PFKFB2: variants seen among roughly 807,000 people sequenced by gnomAD.
PFKFB2 encodes the protein 6-phosphofructo-2-kinase/fructose-2,6-bisphosphatase 2.
A neutral mutation model predicts 68.0 loss-of-function variants in PFKFB2; 53 were observed. The observed-to-expected ratio is 0.78, with a 90% CI of 0.63 to 0.98. The LOEUF (loss-of-function observed/expected upper bound fraction) is 0.98, where lower values mean the gene tolerates loss of function less well. Among genes scored for constraint, PFKFB2 ranks in the 50% least tolerant of loss-of-function variants. The pLI, the probability that PFKFB2 is intolerant of heterozygous loss-of-function variation, is 0.00. For missense variants in PFKFB2, 451 were observed against 642.0 expected (o/e 0.70, Z 3.22); for synonymous variants, 222 against 227.6 (o/e 0.98, Z 0.22).
Position 207,065,170 on chromosome 1 carries a change from A to C in PFKFB2, c.632+10A>C, listed in dbSNP as rs1217454431. On this transcript the variant is annotated intron_variant, in intron 8 of 14. Coordinates refer to ENST00000367080, the MANE Select transcript of PFKFB2 (RefSeq NM_006212.2). ...CAGACAACTATGACAAGTAAGGTTT[A>C]AGGCCATGGTTTGAAGGGCCCAAGG... 6.2e-7 allele frequency: 1 copy of C among 1,613,466 alleles called. No homozygotes were observed. Among genetic ancestry groups the C allele is most frequent in the Non-Finnish European group, 8.5e-7 (1 of 1,179,702 alleles).
chr1:207,049,501 A>T (rs1369051532), upstream of PFKFB2: 1 of 1,614,122 alleles, frequency 6.2e-7, no homozygotes, highest in Non-Finnish European at 8.5e-7. Flanking sequence ...GCTTGCTACA[A>T]TTTGTGCTAT....
At chr1:207,079,030 G>A, downstream of PFKFB2, 2 of 1,606,132 alleles carry the variant, frequency 1.2e-6, no homozygotes, top group Admixed American at 3.3e-5. Context: ...TGATGTGGAT[G>A]TTCAGGCCTC....
chr1:207,063,194 G>C lies in PFKFB2; in HGVS notation c.360G>C (p.Glu120Asp), dbSNP rs996824433. ...ATGTTAAGGCGTATCTCACTGAGGAGAATGGTCAGATTGCGGTAAGCTTTA... is the reference window on the plus strand; with the variant it reads ...ATGTTAAGGCGTATCTCACTGAGGACAATGGTCAGATTGCGGTAAGCTTTA... Reference protein sequence around the residue: ...LEDVKAYLTEENGQIAVFDAT... With the variant: ...LEDVKAYLTEDNGQIAVFDAT... The change falls in exon 5 of 15, where the codon GAG becomes GAC. Residue 120 changes from glutamate (E) to aspartate (D), a missense_variant. By Grantham distance (45) the Glu-to-Asp change is conservative (BLOSUM62 2). Transcript: ENST00000367080. This position sits in a 1 kb window ranked among gnomAD's most constrained non-coding sequence, Gnocchi z 4.1. The C allele has an allele frequency of 6.2e-7, 1 of 1,613,876 alleles. No homozygotes were observed. Among genetic ancestry groups the C allele is most frequent in the Admixed American group, 1.7e-5 (1 of 60,032 alleles).
At chr1:207,050,864 C>A, upstream of PFKFB2, 1 of 1,611,440 alleles carries the variant, frequency 6.2e-7, no homozygotes, top group Non-Finnish European at 8.5e-7. Flanking sequence ...AACATGGGTG[C>A]CGTCCTTGGC....
At chr1:207,059,849 A>G (rs1189396498) in intron 2 of PFKFB2, among the ~76,000 whole-genome samples, 1 of 152,164 alleles carries the variant, frequency 6.6e-6, no homozygotes, top group African/African-American at 2.4e-5. Context: ...CATATTTCCC[A>G]TCCAAGTACC....
rs1003369255 is a variant in PFKFB2 at position 207,073,643 on chromosome 1, C to A, written c.*1272C>A. 1.0e-6 allele frequency: 1 copy of A among 982,688 alleles called. No homozygotes were observed. The highest frequency in any genetic ancestry group is 1.1e-4 in the East Asian group (1 of 8,814). 60.9% of individuals were successfully genotyped at this position (982,688 alleles called of 1,614,324 possible). Reference sequence around the variant, plus strand: ...AAGAGAAACTATCTCATCTTGATGTCCAGAGAAGTCCTTGGAACCCTGTGG... The same window carrying A: ...AAGAGAAACTATCTCATCTTGATGTACAGAGAAGTCCTTGGAACCCTGTGG... On this transcript the variant is annotated 3_prime_UTR_variant, in exon 15 of 15. Transcript: ENST00000367080.
upstream of PFKFB2, among the ~76,000 whole-genome samples, chr1:207,050,095 A>G (rs905022893): frequency 6.6e-6 from 1 of 150,412 alleles, no homozygotes; most frequent in African/African-American, 2.4e-5. Context: ...AAACTTATCT[A>G]CTCTAGAGTG....
chr1:207,070,897 C>A lies in PFKFB2; in HGVS notation c.1223-291C>A, dbSNP rs1683445982. On this transcript the variant is annotated intron_variant, in intron 12 of 14. Coordinates refer to ENST00000367080, the MANE Select transcript of PFKFB2 (RefSeq NM_006212.2). The surrounding 1 kb of genome is among the most constrained non-coding windows in gnomAD (Gnocchi z 4.2). ...TGCTTGGAAGCTGTTGTGGTCAGAC[C>A]TTATTGGCCTTTGCTGTACCCAGGT... 1 of 364,074 alleles carries A rather than the reference C, an allele frequency of 2.7e-6. No homozygotes were observed. Among genetic ancestry groups the A allele is most frequent in the Non-Finnish European group, 5.1e-6 (1 of 197,422 alleles). The allele number at this position is 364,074 out of a possible 1,614,324, so 22.6% of individuals were successfully genotyped here.
In PFKFB2 at chr1:207,076,947, C is replaced by T. The variant is rs2102290151; in HGVS notation, c.*4576C>T. ...GTGTCTAACAAAGGAAGGAATTAAGCACTCCACGTGTTTTCTTTATAGGGG... is the reference window on the plus strand; with the variant it reads ...GTGTCTAACAAAGGAAGGAATTAAGTACTCCACGTGTTTTCTTTATAGGGG... On this transcript the variant is annotated 3_prime_UTR_variant, in exon 15 of 15. Transcript: ENST00000367080. The T allele has an allele frequency of 1.0e-6, 1 of 982,096 alleles. No individual in the cohort carries two copies. The highest frequency in any genetic ancestry group is 1.2e-6 in the Non-Finnish European group (1 of 826,936). The allele number at this position is 982,096 out of a possible 1,614,324, so 60.8% of individuals were successfully genotyped here.
In PFKFB2 at chr1:207,076,257, T is replaced by C. The variant is rs539761547; in HGVS notation, c.*3886T>C. Reference sequence around the variant, plus strand: ...ATCTATGTTACTTTTTTTTTCTTTTTTTTTTTTTTTTATGAGCAGGAGATC... The same window carrying C: ...ATCTATGTTACTTTTTTTTTCTTTTCTTTTTTTTTTTATGAGCAGGAGATC... On this transcript the variant is annotated 3_prime_UTR_variant, in exon 15 of 15. Coordinates refer to ENST00000367080, the MANE Select transcript of PFKFB2 (RefSeq NM_006212.2). 2.7e-5 allele frequency: 26 copies of C among 966,610 alleles called. No individual in the cohort carries two copies. The highest frequency in any genetic ancestry group is 2.3e-4 in the African/African-American group (13 of 56,746). 59.9% of individuals were successfully genotyped at this position (966,610 alleles called of 1,614,324 possible). A position where few individuals can be genotyped will look rare whatever the true frequency, so the allele number is the denominator to read the frequency against.
intron 8 of PFKFB2, among the ~76,000 whole-genome samples, chr1:207,066,574 G>A (rs557181233): frequency 8.5e-5 from 13 of 152,258 alleles, no homozygotes; most frequent in Non-Finnish European, 1.8e-4. Context: ...GTTTGTATAT[G>A]TTATCTCTGG....
In PFKFB2 at chr1:207,076,439, T is replaced by G; in HGVS notation, c.*4068T>G. On this transcript the variant is annotated 3_prime_UTR_variant, in exon 15 of 15. Coordinates refer to ENST00000367080, the MANE Select transcript of PFKFB2 (RefSeq NM_006212.2). The stretch of plus-strand genomic sequence containing the variant: ...CATGTTGTGTTCATTGTTAAGAAAT[T>G]TGATAGATTTACCCAGCTTTTCTAT... 2.0e-6 allele frequency: 2 copies of G among 985,296 alleles called. No individual in the cohort carries two copies. Among genetic ancestry groups the G allele is most frequent in the Non-Finnish European group, 2.4e-6 (2 of 829,858 alleles). The allele number at this position is 985,296 out of a possible 1,614,324, so 61.0% of individuals were successfully genotyped here. A position where few individuals can be genotyped will look rare whatever the true frequency, so the allele number is the denominator to read the frequency against.
chr1:207,072,203 G>A lies in PFKFB2; in HGVS notation c.1351-1G>A. The A allele has an allele frequency of 6.2e-7, 1 of 1,613,496 alleles. No individual in the cohort carries two copies. Among genetic ancestry groups the A allele is most frequent in the Non-Finnish European group, 8.5e-7 (1 of 1,179,718 alleles). ...TGTGGTGTCACTCCATTTCCAATCA[G>A]AACAACTTCCCCAAGAACCAAACCC... On this transcript the variant is annotated splice_acceptor_variant, in intron 14 of 14. Coordinates refer to ENST00000367080, the MANE Select transcript of PFKFB2 (RefSeq NM_006212.2). LOFTEE classifies it high-confidence loss of function.
chr1:207,080,777 ATTAAC>A (rs561584573), downstream of PFKFB2: 70 of 152,204 alleles, frequency 4.6e-4, no homozygotes, highest in African/African-American at 1.5e-3. Flanking sequence ...CTAATGTCAT[ATTAAC>A]TTAAGTTAAA....
At chr1:207,078,411 A>T (rs1683685566), downstream of PFKFB2, among the ~76,000 whole-genome samples, 1 of 152,218 alleles carries the variant, frequency 6.6e-6, no homozygotes, top group Non-Finnish European at 1.5e-5. Flanking sequence ...CGACCAGGTG[A>T]TTCATATGCA....
chr1:207,037,249 A>G (rs556861827), intron 1 of PFKFB2, among the ~76,000 whole-genome samples: 2 of 152,158 alleles, frequency 1.3e-5, no homozygotes, highest in East Asian at 3.8e-4. Flanking sequence ...TTTTTAAAAA[A>G]CTATTTTCTC....
chr1:207,075,656 G>A lies in PFKFB2; in HGVS notation c.*3285G>A, dbSNP rs761598359. The stretch of plus-strand genomic sequence containing the variant: ...CTACTGGAATAAGCTGGTTGCTGTG[G>A]CTTATACCTGTAGTCCCAGATACTT... On this transcript the variant is annotated 3_prime_UTR_variant, in exon 15 of 15. Coordinates refer to ENST00000367080, the MANE Select transcript of PFKFB2 (RefSeq NM_006212.2). The A allele has an allele frequency of 3.1e-6, 3 of 981,798 alleles. No individual in the cohort carries two copies. The highest frequency in any genetic ancestry group is 6.2e-5 in the Admixed American group (1 of 16,256). The allele number at this position is 981,798 out of a possible 1,614,324, so 60.8% of individuals were successfully genotyped here.
chr1:207,061,954 A>C lies in PFKFB2; in HGVS notation c.87A>C (p.Ser29=). Reference sequence around the variant, plus strand: ...TTATTTTGTTTCATTTCCTTCTAGCATGGGCCTCCTACATGACCAACTCCC... The same window carrying C: ...TTATTTTGTTTCATTTCCTTCTAGCCTGGGCCTCCTACATGACCAACTCCC... ...PNLRMSEKKC[S]WASYMTNSPT... Residue 29 remains serine, a splice_region_variant and synonymous_variant, in exon 3 of 15, where the codon TCA becomes TCC. Coordinates refer to ENST00000367080, the MANE Select transcript of PFKFB2 (RefSeq NM_006212.2). 6.2e-7 allele frequency: 1 copy of C among 1,613,858 alleles called. No homozygotes were observed. Among genetic ancestry groups the C allele is most frequent in the Non-Finnish European group, 8.5e-7 (1 of 1,179,746 alleles).
intron 2 of PFKFB2, chr1:207,045,497 T>C (rs1261384118): frequency 2.0e-5 from 3 of 152,436 alleles, no homozygotes; most frequent in Non-Finnish European, 4.4e-5. Context: ...ACATGTAAAC[T>C]TTTATTCCAT....
Sources: allele counts gnomAD v4.1 joint callset (sites outside exome capture counted in the v4.1 genomes callset), GRCh38; gene constraint gnomAD v4.1.1; non-coding constraint Gnocchi (gnomAD v3.1); transcripts MANE v1.5; gene names NCBI Gene and HGNC (gene_info 2026-07-23, HGNC 2026-07-21).